The following CMTR1 variants were observed in gnomAD, a reference collection of about 807,000 sequenced individuals.
CMTR1 encodes the protein cap-specific mRNA (nucleoside-2'-O-)-methyltransferase 1.
A neutral mutation model predicts 107.0 loss-of-function variants in CMTR1; 39 were observed. The ratio of observed to expected loss-of-function variants is 0.36; its 90% confidence interval spans 0.28 to 0.48. The LOEUF is 0.48. CMTR1 is among the 20% of genes least tolerant of loss of function. CMTR1 has a pLI of 0.99. For synonymous variants in CMTR1, 366 were observed against 379.5 expected, an observed-to-expected ratio of 0.96 and a Z score of 0.41; for missense variants, 672 against 1,064.9, an observed-to-expected ratio of 0.63 and a Z score of 5.14.
intron 10 of CMTR1, among the ~76,000 whole-genome samples, chr6:37,461,253 A>T (rs1008045647): frequency 6.6e-6 from 1 of 152,156 alleles, no homozygotes; most frequent in Non-Finnish European, 1.5e-5. Context: ...CTGGATTCCC[A>T]TGAGTTAAAA....
At chr6:37,477,745 T>A in intron 21 of CMTR1, 106 bp downstream of exon 21, 1 of 463,648 alleles carries the variant, frequency 2.2e-6, no homozygotes, top group Non-Finnish European at 4.3e-6. Context: ...CGGGGGGTGG[T>A]GAGCTGCCTC....
At chr6:37,452,966 G>A in intron 6 of CMTR1, 81 bp from the exon 7 acceptor site, 1 of 1,177,936 alleles carries the variant, frequency 8.5e-7, no homozygotes, top group African/African-American at 1.5e-5. Flanking sequence ...TTCCTTGGAG[G>A]GCTGTGAGTT....
intron 2 of CMTR1, among the ~76,000 whole-genome samples, chr6:37,436,070 G>A (rs1271274641): frequency 2.0e-5 from 3 of 152,200 alleles, no homozygotes; most frequent in Admixed American, 6.5e-5. Context: ...ATTGAGTGCT[G>A]TGTGCCCTTA....
At position 37,458,025 on chromosome 6, in the gene CMTR1, A is replaced by AT. The variant is rs1353673345; in HGVS notation, c.778-586dup. Reference sequence around the variant, plus strand: ...TATGGTGAGGAAAACACTCTGAGAGATAAAAAATGTAGTCAGATACCCATA... The same window carrying AT: ...TATGGTGAGGAAAACACTCTGAGAGATTAAAAAATGTAGTCAGATACCCATA... On this transcript the variant is annotated intron_variant, in intron 8 of 23. Transcript: ENST00000373451. The surrounding 1 kb of genome is among the most constrained non-coding windows in gnomAD (Gnocchi z 4.7). Among the ~76,000 whole-genome samples, 1 of 152,108 alleles carries AT rather than the reference A, an allele frequency of 6.6e-6. No homozygotes were observed. The highest frequency in any genetic ancestry group is 6.5e-5 in the Admixed American group (1 of 15,278).
chr6:37,449,275 TA>T (rs1771879589), intron 4 of CMTR1, among the ~76,000 whole-genome samples: 1 of 148,924 alleles, frequency 6.7e-6, no homozygotes, highest in Non-Finnish European at 1.5e-5. Flanking sequence ...TATGTTTTGT[TA>T]TGTTATGTTA....
chr6:37,481,403 C>G lies in CMTR1; in HGVS notation c.*1258C>G, dbSNP rs1249519343. ...TTCAGCCAGCATCCAGCTCCCCACC[C>G]CCAGGCTGGCAGTAGCACTGCTGAG... On this transcript the variant is annotated 3_prime_UTR_variant, in exon 24 of 24. Coordinates refer to ENST00000373451, the MANE Select transcript of CMTR1 (RefSeq NM_015050.3). 3 of 1,185,162 alleles carry G rather than the reference C, an allele frequency of 2.5e-6. No individual in the cohort carries two copies. Among genetic ancestry groups the G allele is most frequent in the East Asian group, 5.9e-5 (1 of 16,900 alleles). The allele number at this position is 1,185,162 out of a possible 1,614,324, so 73.4% of individuals were successfully genotyped here.
At position 37,444,142 on chromosome 6, in the gene CMTR1, A is replaced by G; in HGVS notation, c.277A>G (p.Lys93Glu). ...TTCCATGTATAATAGCGTCTCCCAG[A>G]AGCTTATGGTATGTCAGCGCTTGGG... Reference protein sequence around the residue: ...RYSMYNSVSQKLMAKMGFREG... With the variant: ...RYSMYNSVSQELMAKMGFREG... Residue 93 changes from lysine to glutamate, a missense_variant, in exon 3 of 24, where the codon AAG (lysine) becomes GAG (glutamate). Physicochemically the swap from Lys to Glu is moderately conservative, Grantham distance 56 (BLOSUM62 1). Coordinates refer to ENST00000373451, the MANE Select transcript of CMTR1 (RefSeq NM_015050.3). 1 of 1,614,050 alleles carries G rather than the reference A, an allele frequency of 6.2e-7. No individual in the cohort carries two copies. The highest frequency in any genetic ancestry group is 8.5e-7 in the Non-Finnish European group (1 of 1,179,968).
intron 13 of CMTR1, among the ~76,000 whole-genome samples, chr6:37,468,304 T>G (rs1581748503): frequency 6.6e-6 from 1 of 152,164 alleles, no homozygotes; most frequent in East Asian, 1.9e-4. Flanking sequence ...TGTTCTTTTG[T>G]CTTTGTGTTT....
chr6:37,424,437 A>G, the CMTR1 span, among the ~76,000 whole-genome samples: 1 of 149,960 alleles, frequency 6.7e-6, no homozygotes, highest in Non-Finnish European at 1.5e-5. Flanking sequence ...TTTAGTAGAG[A>G]CGGGTTTCGC....
chr6:37,459,451 G>A (rs973304774), intron 9 of CMTR1, 115 bp from the exon 10 acceptor site: 1 of 798,350 alleles, frequency 1.3e-6, no homozygotes, highest in African/African-American at 1.7e-5. Flanking sequence ...CTTGCAGGAT[G>A]GGCCCTAGTT....
At chr6:37,426,491 C>T in the CMTR1 span, among the ~76,000 whole-genome samples, 11 of 150,792 alleles carry the variant, frequency 7.3e-5, no homozygotes, top group South Asian at 2.3e-3. Context: ...CAGGTTGTCT[C>T]TGTGCCAAGG....
intron 2 of CMTR1, among the ~76,000 whole-genome samples, chr6:37,437,838 G>A (rs1771572730): frequency 6.6e-6 from 1 of 152,194 alleles, no homozygotes; most frequent in South Asian, 2.1e-4. Flanking sequence ...TATGTCTGGG[G>A]AACAAGTGAT....
Position 37,451,943 on chromosome 6 carries a change from A to T in CMTR1, c.609+66A>T, listed in dbSNP as rs1330466498. ...GGGAGGTGATTTGCTGGACTTTTCCATTTCTCCTTTGAGTGGGTTGTGGGA... is the reference window on the plus strand; with the variant it reads ...GGGAGGTGATTTGCTGGACTTTTCCTTTTCTCCTTTGAGTGGGTTGTGGGA... On this transcript the variant is annotated intron_variant, in intron 6 of 23. Transcript: ENST00000373451. The T allele has an allele frequency of 3.0e-6, 4 of 1,348,946 alleles. No homozygotes were observed. In the African/African-American group the frequency reaches 5.8e-5, roughly 19 times the overall value. The allele number at this position is 1,348,946 out of a possible 1,614,324, so 83.6% of individuals were successfully genotyped here.
At chr6:37,425,257 A>C in the CMTR1 span, among the ~76,000 whole-genome samples, 2 of 147,122 alleles carry the variant, frequency 1.4e-5, no homozygotes, top group African/African-American at 2.5e-5. Flanking sequence ...TGGATATAGA[A>C]TTCTTGATTG....
intron 20 of CMTR1, among the ~76,000 whole-genome samples, chr6:37,477,190 C>G (rs1761756225): frequency 6.6e-6 from 1 of 152,202 alleles, no homozygotes; most frequent in African/African-American, 2.4e-5. Flanking sequence ...TATGGAAGGC[C>G]TAAAATCCAT....
upstream of CMTR1, among the ~76,000 whole-genome samples, chr6:37,428,285 A>T (rs1177372671): frequency 6.6e-6 from 1 of 152,194 alleles, no homozygotes; most frequent in African/African-American, 2.4e-5. Flanking sequence ...GCAGTTAGGC[A>T]GATGGTCCTT....
chr6:37,436,350 A>G (rs1325315200), intron 2 of CMTR1: 1 of 152,198 alleles, frequency 6.6e-6, no homozygotes, highest in Non-Finnish European at 1.5e-5. Context: ...AGGAATGGTA[A>G]AATGTCTGGG....
chr6:37,459,060 A>G (rs1031142368), intron 9 of CMTR1, among the ~76,000 whole-genome samples: 2 of 152,130 alleles, frequency 1.3e-5, no homozygotes, highest in African/African-American at 4.8e-5. Context: ...TTTCAGGAAC[A>G]CTCTGCTTTT....
chr6:37,436,286 A>C (rs1028410371), intron 2 of CMTR1: 1 of 152,232 alleles, frequency 6.6e-6, no homozygotes, highest in African/African-American at 2.4e-5. Flanking sequence ...TGAAACTAGC[A>C]TTTTGCTTTG....
Sources: allele counts gnomAD v4.1 joint callset (sites outside exome capture counted in the v4.1 genomes callset), GRCh38; gene constraint gnomAD v4.1.1; non-coding constraint Gnocchi (gnomAD v3.1); transcripts MANE v1.5; gene names NCBI Gene and HGNC (gene_info 2026-07-23, HGNC 2026-07-21).